The following SLC24A3 variants were observed in gnomAD, a reference collection of about 807,000 sequenced individuals.
The protein encoded by SLC24A3 is solute carrier family 24 member 3.
SLC24A3 carries 28 observed loss-of-function variants against 75.8 expected under a neutral mutation model. The ratio of observed to expected loss-of-function variants is 0.37; its 90% confidence interval spans 0.27 to 0.51. The LOEUF (loss-of-function observed/expected upper bound fraction) is 0.51. Among genes scored for constraint, SLC24A3 ranks in the 20% least tolerant of loss-of-function variants. The probability of loss-of-function intolerance (pLI) is 0.94; values close to 1 mark genes in which losing one functional copy is unlikely to be tolerated. For missense variants in SLC24A3, 663 were observed against 847.8 expected (o/e 0.78, Z 2.71); for synonymous variants, 372 against 334.1 (o/e 1.11, Z -1.24).
chr20:19,606,066 G>A (rs889879947), intron 6 of SLC24A3, among the ~76,000 whole-genome samples: 9 of 152,208 alleles, frequency 5.9e-5, no homozygotes, highest in African/African-American at 2.2e-4. Context: ...CAAAGCAAAA[G>A]AAAGTTGGCC....
Position 19,721,164 on chromosome 20 carries a change from C to T in SLC24A3, c.*24C>T. 6.2e-7 allele frequency: 1 copy of T among 1,613,326 alleles called. No homozygotes were observed. The highest frequency in any genetic ancestry group is 8.5e-7 in the Non-Finnish European group (1 of 1,179,810). Reference sequence around the variant, plus strand: ...GAGCCGCCGGGTGCCCACAGAGGCTCAGCTCCTTCTTTTCTGTGCAATACG... The same window carrying T: ...GAGCCGCCGGGTGCCCACAGAGGCTTAGCTCCTTCTTTTCTGTGCAATACG... On this transcript the variant is annotated 3_prime_UTR_variant, in exon 17 of 17. Coordinates refer to ENST00000328041, the MANE Select transcript of SLC24A3 (RefSeq NM_020689.4).
At chr20:19,213,158 G>A (rs1467111223) in intron 1 of SLC24A3, 174 bp downstream of exon 1, 7 of 699,324 alleles carry the variant, frequency 1.0e-5, no homozygotes, top group African/African-American at 5.7e-5. Flanking sequence ...CCACGCAGAG[G>A]CATGGAGGTG....
intron 2 of SLC24A3, among the ~76,000 whole-genome samples, chr20:19,437,160 C>A (rs957394060): frequency 7.2e-5 from 11 of 152,060 alleles, no homozygotes; most frequent in African/African-American, 2.7e-4. Context: ...ACATGAGAGT[C>A]GGTGATATGG....
intron 6 of SLC24A3, among the ~76,000 whole-genome samples, chr20:19,597,752 T>C (rs1207729354): frequency 6.6e-6 from 1 of 152,232 alleles, no homozygotes. Context: ...GTTGCTGGTA[T>C]CCATCATTCT....
intron 2 of SLC24A3, among the ~76,000 whole-genome samples, chr20:19,508,754 G>A (rs1333083115): frequency 6.6e-6 from 1 of 152,270 alleles, no homozygotes; most frequent in Non-Finnish European, 1.5e-5. Flanking sequence ...GGAGCAGAAA[G>A]AGACTTTGAG....
At chr20:19,247,121 A>G (rs1982516016) in intron 1 of SLC24A3, among the ~76,000 whole-genome samples, 1 of 152,234 alleles carries the variant, frequency 6.6e-6, no homozygotes, top group Non-Finnish European at 1.5e-5. Flanking sequence ...CGATGATTAG[A>G]GTTAGAAACA....
At chr20:19,510,679 T>G (rs1455620035) in intron 2 of SLC24A3, among the ~76,000 whole-genome samples, 1 of 152,220 alleles carries the variant, frequency 6.6e-6, no homozygotes, top group Non-Finnish European at 1.5e-5. Flanking sequence ...CAGAGTTTAC[T>G]CATACTCTGA....
intron 2 of SLC24A3, among the ~76,000 whole-genome samples, chr20:19,391,792 A>G (rs1355071770): frequency 3.3e-5 from 5 of 152,150 alleles, no homozygotes; most frequent in African/African-American, 1.2e-4. Flanking sequence ...AGTCTCACAG[A>G]AAAATGCAGA....
At position 19,603,634 on chromosome 20, in the gene SLC24A3, G is replaced by A. The variant is rs1006039159; in HGVS notation, c.612+18090G>A. Among the ~76,000 whole-genome samples, 2 of 152,254 alleles carry A rather than the reference G, an allele frequency of 1.3e-5. 1 individual carries two copies. The highest frequency in any genetic ancestry group is 2.9e-5 in the Non-Finnish European group (2 of 68,046). On this transcript the variant is annotated intron_variant, in intron 6 of 16. Coordinates refer to ENST00000328041, the MANE Select transcript of SLC24A3 (RefSeq NM_020689.4). ...GAAGTCTTTTCTCCATCAGAAGAAAGAAGAGGTTTCCCATAACTATCAGAC... is the reference window on the plus strand; with the variant it reads ...GAAGTCTTTTCTCCATCAGAAGAAAAAAGAGGTTTCCCATAACTATCAGAC...
chr20:19,697,786 G>T (rs985800908), intron 14 of SLC24A3, among the ~76,000 whole-genome samples: 2 of 152,232 alleles, frequency 1.3e-5, no homozygotes, highest in Non-Finnish European at 2.9e-5. Flanking sequence ...GTACAGGGCA[G>T]TTGGAAGATG....
At chr20:19,395,977 G>T (rs1292227301) in intron 2 of SLC24A3, among the ~76,000 whole-genome samples, 2 of 152,110 alleles carry the variant, frequency 1.3e-5, no homozygotes, top group African/African-American at 2.4e-5. Context: ...GAGATGGTTG[G>T]TTTGATTGAT....
intron 2 of SLC24A3, among the ~76,000 whole-genome samples, chr20:19,398,289 A>C (rs1408630965): frequency 1.3e-5 from 2 of 152,166 alleles, no homozygotes. Flanking sequence ...CTTAGTAATA[A>C]TGAGTCTTCC....
intron 6 of SLC24A3, among the ~76,000 whole-genome samples, chr20:19,617,561 G>GTCA (rs1362435972): frequency 3.3e-5 from 5 of 152,168 alleles, no homozygotes. Context: ...CATGACTTTT[G>GTCA]TTTCAGGGAA....
At chr20:19,647,460 T>G (rs2032152603) in intron 6 of SLC24A3, among the ~76,000 whole-genome samples, 1 of 152,190 alleles carries the variant, frequency 6.6e-6, no homozygotes, top group African/African-American at 2.4e-5. Context: ...TGCTGGCACA[T>G]CAATGCCTGG....
At chr20:19,403,818 T>G (rs6046056) in intron 2 of SLC24A3, among the ~76,000 whole-genome samples, 3,250 of 152,312 alleles carry the variant, frequency 0.021, 126 homozygotes, top group African/African-American at 0.072. Flanking sequence ...GAATGCAATT[T>G]GAAATATCAT....
intron 3 of SLC24A3, among the ~76,000 whole-genome samples, chr20:19,579,552 G>A (rs552492112): frequency 4.8e-4 from 73 of 152,292 alleles, no homozygotes; most frequent in African/African-American, 1.7e-3. Context: ...ACTTCTGGTG[G>A]AGGAGACAGA....
chr20:19,695,476 A>G (rs2032793780), intron 13 of SLC24A3: 1 of 152,024 alleles, frequency 6.6e-6, no homozygotes, highest in Non-Finnish European at 1.5e-5. Flanking sequence ...CTGCCTCATC[A>G]ACTGCTTTTG....
chr20:19,254,487 G>C (rs1034183505), intron 1 of SLC24A3, among the ~76,000 whole-genome samples: 17 of 152,190 alleles, frequency 1.1e-4, no homozygotes, highest in African/African-American at 4.1e-4. Flanking sequence ...GAGTCCAAGT[G>C]TTGTAGAGTC....
chr20:19,499,104 T>C (rs2122539946), intron 2 of SLC24A3, among the ~76,000 whole-genome samples: 1 of 152,256 alleles, frequency 6.6e-6, no homozygotes, highest in Non-Finnish European at 1.5e-5. Context: ...CACCATATGA[T>C]TGCAATTGTG....
Sources: allele counts gnomAD v4.1 joint callset (sites outside exome capture counted in the v4.1 genomes callset), GRCh38; gene constraint gnomAD v4.1.1; transcripts MANE v1.5; gene names NCBI Gene and HGNC (gene_info 2026-07-23, HGNC 2026-07-21).